OR2F1: variants seen among roughly 807,000 people sequenced by gnomAD.
OR2F1 encodes the protein olfactory receptor 2F1.
For missense variants in OR2F1, 389 were observed against 378.2 expected, an observed-to-expected ratio of 1.03 and a Z score of -0.24; for synonymous variants, 146 against 155.3, an observed-to-expected ratio of 0.94 and a Z score of 0.44.
chr7:143,960,825 G>A lies in OR2F1; in HGVS notation c.855G>A (p.Leu285=). ...SVFYAILTPM[L]NPMIYSLRNK... is the part of the protein sequence containing the mutation. ...TTTATGCCATTTTAACACCAATGCT[G>A]AACCCCATGATTTACAGCCTAAGGA... Residue 285 remains leucine, a synonymous_variant, in exon 3 of 3, where the codon CTG becomes CTA. Transcript: ENST00000641412. 6.2e-7 allele frequency: 1 copy of A among 1,614,130 alleles called. No individual in the cohort carries two copies. The highest frequency in any genetic ancestry group is 8.5e-7 in the Non-Finnish European group (1 of 1,180,012).
intron 1 of OR2F1, among the ~76,000 whole-genome samples, chr7:143,955,808 G>A (rs544161337): frequency 1.3e-5 from 2 of 152,306 alleles, no homozygotes; most frequent in East Asian, 3.9e-4. Flanking sequence ...TGTTGAGTAT[G>A]AAGATGATAT....
intron 1 of OR2F1, among the ~76,000 whole-genome samples, chr7:143,957,319 A>G (rs769536616): frequency 1.6e-4 from 25 of 152,182 alleles, no homozygotes; most frequent in Non-Finnish European, 3.5e-4. Flanking sequence ...CAGAGTTGAG[A>G]GTTTGAAGGA....
rs559509511 is a variant in OR2F1, at chr7:143,961,068, G to A, written c.*144G>A. The A allele has an allele frequency of 1.5e-6, 1 of 648,918 alleles. No individual in the cohort carries two copies. Among genetic ancestry groups the A allele is most frequent in the Non-Finnish European group, 2.7e-6 (1 of 370,404 alleles). The allele number at this position is 648,918 out of a possible 1,614,324, so 40.2% of individuals were successfully genotyped here. Reference sequence around the variant, plus strand: ...GTGGATGTTATGGAGGAGGGGGAGTGGTTCAATTGGATGGGGTGTGGGACG... The same window carrying A: ...GTGGATGTTATGGAGGAGGGGGAGTAGTTCAATTGGATGGGGTGTGGGACG... On this transcript the variant is annotated 3_prime_UTR_variant, in exon 3 of 3. Transcript: ENST00000641412.
rs767043911 is a variant in OR2F1 at position 143,961,074 on chromosome 7, A to G, written c.*150A>G. 68 of 640,536 alleles carry G rather than the reference A, an allele frequency of 1.1e-4. No individual in the cohort carries two copies. The Admixed American group carries it at 1.4e-3, about 13-fold the overall frequency. 39.7% of individuals were successfully genotyped at this position (640,536 alleles called of 1,614,324 possible). A position where few individuals can be genotyped will look rare whatever the true frequency, so the allele number is the denominator to read the frequency against. On this transcript the variant is annotated 3_prime_UTR_variant, in exon 3 of 3. Transcript: ENST00000641412. ...GTTATGGAGGAGGGGGAGTGGTTCA[A>G]TTGGATGGGGTGTGGGACGTGGGGT...
At chr7:143,958,780 A>G (rs984927639) in intron 1 of OR2F1, among the ~76,000 whole-genome samples, 173 bp from the exon 2 acceptor site, 2 of 152,206 alleles carry the variant, frequency 1.3e-5, no homozygotes, top group Non-Finnish European at 2.9e-5. Flanking sequence ...CTGACAAAGC[A>G]CTTGCTGAGC....
chr7:143,960,499 A>G lies in OR2F1; in HGVS notation c.529A>G (p.Ile177Val), dbSNP rs754754173. 13 of 1,614,042 alleles carry G rather than the reference A, an allele frequency of 8.1e-6. No individual in the cohort carries two copies. The highest frequency in any genetic ancestry group is 1.3e-5 in the African/African-American group (1 of 74,916). ...PMCRNKFIDH[I>V]SCELLAVVRL... ...GTGCAGAAACAAGTTTATTGATCAC[A>G]TATCCTGTGAACTCCTAGCTGTGGT... is the stretch of plus-strand genomic sequence containing the variant. The change falls in exon 3 of 3, where the codon ATA becomes GTA. Residue 177 changes from isoleucine to valine, a missense_variant. Ile to Val is a conservative substitution (Grantham distance 29). Coordinates refer to ENST00000641412, the MANE Select transcript of OR2F1 (RefSeq NM_012369.3).
chr7:143,960,598 C>A lies in OR2F1; in HGVS notation c.628C>A (p.Pro210Thr), dbSNP rs756175114. 4 of 1,614,200 alleles carry A rather than the reference C, an allele frequency of 2.5e-6. No homozygotes were observed. The highest frequency in any genetic ancestry group is 3.4e-6 in the Non-Finnish European group (4 of 1,180,034). ...GTCTAGCATTGTTCTTCTGATGACA[C>A]CCTTCTGCCTGGTTCTTTTGTCCTA... is the stretch of plus-strand genomic sequence containing the variant. ...MVSSIVLLMT[P>T]FCLVLLSYIQ... is the part of the protein sequence containing the mutation. The change falls in exon 3 of 3, where the codon CCC becomes ACC. Residue 210 changes from proline to threonine, a missense_variant. By Grantham distance (38) the Pro-to-Thr change is conservative. Transcript: ENST00000641412.
chr7:143,960,258 C>T lies in OR2F1; in HGVS notation c.288C>T (p.Ser96=). Residue 96 remains serine (S), a synonymous_variant, in exon 3 of 3, where the codon AGC becomes AGT. Transcript: ENST00000641412. The part of the protein sequence containing the change: ...LAEHKAIPFQ[S]CAAQLFFSLA... ...AACATAAAGCCATCCCATTCCAGAG[C>T]TGTGCAGCCCAGTTATTTTTCTCCC... 6.2e-7 allele frequency: 1 copy of T among 1,614,200 alleles called. No homozygotes were observed. The highest frequency in any genetic ancestry group is 2.2e-5 in the East Asian group (1 of 44,888).
chr7:143,955,964 T>C (rs1044858504), intron 1 of OR2F1, among the ~76,000 whole-genome samples: 1 of 152,198 alleles, frequency 6.6e-6, no homozygotes, highest in Non-Finnish European at 1.5e-5. Context: ...AATAGGACTA[T>C]TAGCTGTGTT....
chr7:143,959,457 A>G (rs528990685), intron 2 of OR2F1, among the ~76,000 whole-genome samples: 107 of 152,334 alleles, frequency 7.0e-4, no homozygotes, highest in Middle Eastern at 3.4e-3. Context: ...GCCTAATAAA[A>G]TAAGGTTTAA....
chr7:143,960,628 C>T lies in OR2F1; in HGVS notation c.658C>T (p.Gln220Ter), dbSNP rs2050320368. The T allele has an allele frequency of 6.2e-7, 1 of 1,614,144 alleles. No homozygotes were observed. The highest frequency in any genetic ancestry group is 1.1e-5 in the South Asian group (1 of 91,080). Residue 220 changes from glutamine to a stop codon, truncating the protein, a stop_gained, in exon 3 of 3, where the codon CAG becomes TAG. Transcript: ENST00000641412. LOFTEE classifies it low-confidence loss of function (END_TRUNC). Reference sequence around the variant, plus strand: ...CTGCCTGGTTCTTTTGTCCTACATCCAGATCATCTCCACCATCCTAAAGAT... The same window carrying T: ...CTGCCTGGTTCTTTTGTCCTACATCTAGATCATCTCCACCATCCTAAAGAT... Reference protein sequence around the residue: ...PFCLVLLSYIQIISTILKIQS... With the variant: ...PFCLVLLSYI
chr7:143,956,769 A>G (rs967126436), intron 1 of OR2F1, among the ~76,000 whole-genome samples: 1 of 152,126 alleles, frequency 6.6e-6, no homozygotes, highest in African/African-American at 2.4e-5. Flanking sequence ...TGGAAGTTAC[A>G]TTAGGGAAAT....
intron 2 of OR2F1, among the ~76,000 whole-genome samples, chr7:143,959,377 T>C (rs887710659): frequency 6.6e-6 from 1 of 152,194 alleles, no homozygotes; most frequent in African/African-American, 2.4e-5. Context: ...ATGTTAAATA[T>C]ACTCGTGAGT....
chr7:143,963,060 T>G lies in OR2F1; in HGVS notation c.*2136T>G, dbSNP rs1228391420. On this transcript the variant is annotated 3_prime_UTR_variant, in exon 3 of 3. Transcript: ENST00000641412. ...CATCTCCCAGATTGGAAATGCCATC[T>G]GAATATCATTCCTCTTCTAAAATGT... The G allele has an allele frequency of 6.6e-6, 1 of 152,262 alleles. No individual in the cohort carries two copies. Among genetic ancestry groups the G allele is most frequent in the Non-Finnish European group, 1.5e-5 (1 of 68,046 alleles). The allele number at this position is 152,262 out of a possible 1,614,324, so 9.4% of individuals were successfully genotyped here.
In OR2F1 at chr7:143,961,149, A is replaced by G. The variant is rs2050327776; in HGVS notation, c.*225A>G. The G allele has an allele frequency of 4.1e-6, 2 of 490,078 alleles. No individual in the cohort carries two copies. Among genetic ancestry groups the G allele is most frequent in the Admixed American group, 7.5e-5 (2 of 26,754 alleles). The allele number at this position is 490,078 out of a possible 1,614,324, so 30.4% of individuals were successfully genotyped here. A position where few individuals can be genotyped will look rare whatever the true frequency, so the allele number is the denominator to read the frequency against. On this transcript the variant is annotated 3_prime_UTR_variant, in exon 3 of 3. Coordinates refer to ENST00000641412, the MANE Select transcript of OR2F1 (RefSeq NM_012369.3). ...ATACTGCTGTTATAAAACCTCCCAC[A>G]CTTCTTCCACCTCCACTCTTACAGC...
In OR2F1 at chr7:143,960,545, C is replaced by T; in HGVS notation, c.575C>T (p.Thr192Ile). The T allele has an allele frequency of 2.5e-6, 4 of 1,614,182 alleles. No individual in the cohort carries two copies. Among genetic ancestry groups the T allele is most frequent in the South Asian group, 1.1e-5 (1 of 91,078 alleles). ...GTGGTCAGGCTGGCTTGTGTGGACACCTCCTCCAATGAGGTCACCATCATG... is the reference window on the plus strand; with the variant it reads ...GTGGTCAGGCTGGCTTGTGTGGACATCTCCTCCAATGAGGTCACCATCATG... ...LAVVRLACVD[T>I]SSNEVTIMVS... The change falls in exon 3 of 3, where the codon ACC becomes ATC. Residue 192 changes from threonine (T) to isoleucine (I), a missense_variant. Thr to Ile is a moderately conservative substitution (Grantham distance 89). Coordinates refer to ENST00000641412, the MANE Select transcript of OR2F1 (RefSeq NM_012369.3).
rs2072166 is a variant in OR2F1 at position 143,960,708 on chromosome 7, A to G, written c.738A>G (p.Thr246=). ...TCCACACGTGTGCCTCTCACCTCAC[A>G]GTGGTTGCCCTGTGCTATGGTGTGG... ...KAFHTCASHL[T]VVALCYGVAI... is the part of the protein sequence containing the mutation. Residue 246 remains threonine, a synonymous_variant, in exon 3 of 3, where the codon ACA becomes ACG. Coordinates refer to ENST00000641412, the MANE Select transcript of OR2F1 (RefSeq NM_012369.3). The G allele has an allele frequency of 0.36, 576,322 of 1,613,440 alleles. 107,840 individuals carry two copies. The highest frequency in any genetic ancestry group is 0.61 in the African/African-American group (45,996 of 74,886).
rs866106032 is a variant in OR2F1, at chr7:143,959,974, G to C, written c.4G>C (p.Gly2Arg). Reference sequence around the variant, plus strand: ...TTAATAATCCTTGAATATTTTAATGGGAACAGATAACCAGACTTGGGTGAG... The same window carrying C: ...TTAATAATCCTTGAATATTTTAATGCGAACAGATAACCAGACTTGGGTGAG... M[G>R]TDNQTWVSEF... Residue 2 changes from glycine (G) to arginine (R), a missense_variant, in exon 3 of 3, where the codon GGA becomes CGA. Physicochemically the swap from Gly to Arg is moderately radical, Grantham distance 125. Transcript: ENST00000641412. 1 of 1,591,754 alleles carries C rather than the reference G, an allele frequency of 6.3e-7. No homozygotes were observed.
At position 143,963,450 on chromosome 7, in the gene OR2F1, T is replaced by C. The variant is rs932791494; in HGVS notation, c.*2526T>C. ...GTAGAAATAGACTACTATAGTCTCATATTCTGTATTAGTCAGGTTTCTTTA... is the reference window on the plus strand; with the variant it reads ...GTAGAAATAGACTACTATAGTCTCACATTCTGTATTAGTCAGGTTTCTTTA... On this transcript the variant is annotated 3_prime_UTR_variant, in exon 3 of 3. Transcript: ENST00000641412. The C allele has an allele frequency of 6.6e-6, 1 of 152,188 alleles. No homozygotes were observed. The highest frequency in any genetic ancestry group is 1.5e-5 in the Non-Finnish European group (1 of 68,028). 9.4% of individuals were successfully genotyped at this position (152,188 alleles called of 1,614,324 possible). A position where few individuals can be genotyped will look rare whatever the true frequency, so the allele number is the denominator to read the frequency against.
Sources: allele counts gnomAD v4.1 joint callset (sites outside exome capture counted in the v4.1 genomes callset), GRCh38; gene constraint gnomAD v4.1.1; transcripts MANE v1.5; gene names NCBI Gene and HGNC (gene_info 2026-07-23, HGNC 2026-07-21).